The following EIF3M variants were observed in gnomAD, a reference collection of about 807,000 sequenced individuals.
The protein encoded by EIF3M is eukaryotic translation initiation factor 3 subunit M, also known as B5 receptor.
A neutral mutation model predicts 49.7 loss-of-function variants in EIF3M; 25 were observed. The observed-to-expected ratio is 0.50, with a 90% CI of 0.37 to 0.70. EIF3M has a LOEUF of 0.70. Ranked by LOEUF, EIF3M falls within the 30% of genes least tolerant of loss-of-function variation. EIF3M has a pLI of 0.00. For missense variants in EIF3M, 350 were observed against 440.0 expected, an observed-to-expected ratio of 0.80 and a Z score of 1.83; for synonymous variants, 156 against 149.8, an observed-to-expected ratio of 1.04 and a Z score of -0.30.
chr11:32,596,225 G>T (rs1399257276), intron 8 of EIF3M, among the ~76,000 whole-genome samples, 178 bp downstream of exon 8: 2 of 152,142 alleles, frequency 1.3e-5, no homozygotes, highest in Non-Finnish European at 1.5e-5. Context: ...TACTTAGAAT[G>T]AATTGAGAAT....
At chr11:32,601,998 G>C in intron 10 of EIF3M, 176 bp downstream of exon 10, 1 of 845,616 alleles carries the variant, frequency 1.2e-6, no homozygotes, top group Non-Finnish European at 1.8e-6. Context: ...TTTAATGAAA[G>C]AGTCCTATTT....
chr11:32,603,328 AGTTGGCAT>A lies in EIF3M; in HGVS notation c.*933_*940del, dbSNP rs200125428. ...CAGGAAGGGCAGTGAGATATTTGGAAGTTGGCATGTTTTCAAGACACTGTATTGGGTAA... is the reference window on the plus strand; with the variant it reads ...CAGGAAGGGCAGTGAGATATTTGGAAGTTTTCAAGACACTGTATTGGGTAA... On this transcript the variant is annotated 3_prime_UTR_variant, in exon 11 of 11. Transcript: ENST00000531120. 1,180 of 245,154 alleles carry A rather than the reference AGTTGGCAT, an allele frequency of 4.8e-3. 14 individuals are homozygous for A. Among genetic ancestry groups the A allele is most frequent in the African/African-American group, 0.025 (1,115 of 44,778 alleles). 15.2% of individuals were successfully genotyped at this position (245,154 alleles called of 1,614,324 possible). A position where few individuals can be genotyped will look rare whatever the true frequency, so the allele number is the denominator to read the frequency against.
chr11:32,595,012 A>T lies in EIF3M; in HGVS notation c.716A>T (p.Asp239Val), dbSNP rs756103511. The change falls in exon 7 of 11, where the codon GAT becomes GTT. Residue 239 changes from aspartate to valine, a missense_variant and splice_region_variant. Physicochemically the swap from Asp to Val is radical, Grantham distance 152. Coordinates refer to ENST00000531120, the MANE Select transcript of EIF3M (RefSeq NM_006360.6). Reference protein sequence around the residue: ...VKFLEGELIHDLLTIFVSAKL... With the variant: ...VKFLEGELIHVLLTIFVSAKL... ...TTTTTGGAAGGCGAGCTTATTCATG[A>T]TGTAAGTAGTTTATCCTTTAATGTG... is the stretch of plus-strand genomic sequence containing the variant. The T allele has an allele frequency of 6.2e-7, 1 of 1,612,114 alleles. No individual in the cohort carries two copies. The highest frequency in any genetic ancestry group is 8.5e-7 in the Non-Finnish European group (1 of 1,179,294).
chr11:32,600,094 A>G (rs1307024789), intron 8 of EIF3M, among the ~76,000 whole-genome samples: 1 of 151,914 alleles, frequency 6.6e-6, no homozygotes, highest in African/African-American at 2.4e-5. Flanking sequence ...TGGCCTATAA[A>G]TGTTAAATGA....
intron 1 of EIF3M, among the ~76,000 whole-genome samples, chr11:32,585,578 G>T (rs566859543): frequency 7.2e-5 from 11 of 152,248 alleles, no homozygotes; most frequent in African/African-American, 2.4e-4. Context: ...CAGCAAACGT[G>T]GTTCAATAGT....
chr11:32,596,926 G>A (rs752000348), intron 8 of EIF3M, among the ~76,000 whole-genome samples: 8 of 152,036 alleles, frequency 5.3e-5, no homozygotes, highest in African/African-American at 9.7e-5. Flanking sequence ...AAAAAAGAGA[G>A]AGAAAATGAC....
Position 32,605,042 on chromosome 11 carries a change from CAG to C in EIF3M, c.*2644_*2645del, listed in dbSNP as rs1855329760. Reference sequence around the variant, plus strand: ...TAATTTTTTGTATTTTTAGTAGAGACAGGGTTTCACTATGTTGTCCAGGCTGG... The same window carrying C: ...TAATTTTTTGTATTTTTAGTAGAGACGGTTTCACTATGTTGTCCAGGCTGG... On this transcript the variant is annotated 3_prime_UTR_variant, in exon 11 of 11. Transcript: ENST00000531120. 1 of 151,962 alleles carries C rather than the reference CAG, an allele frequency of 6.6e-6. No individual in the cohort carries two copies. Among genetic ancestry groups the C allele is most frequent in the African/African-American group, 2.4e-5 (1 of 41,344 alleles). 9.4% of individuals were successfully genotyped at this position (151,962 alleles called of 1,614,324 possible).
rs1424040647 is a variant in EIF3M at position 32,606,085 on chromosome 11, T to G, written c.*3686T>G. The stretch of plus-strand genomic sequence containing the variant: ...CCTCATTCCTGGATATAATCAAGAT[T>G]GCAGTAGGCTAACAATCTAATGCTG... On this transcript the variant is annotated 3_prime_UTR_variant, in exon 11 of 11. Transcript: ENST00000531120. The G allele has an allele frequency of 6.6e-6, 1 of 152,138 alleles. No homozygotes were observed. 9.4% of individuals were successfully genotyped at this position (152,138 alleles called of 1,614,324 possible).
intron 10 of EIF3M, 61 bp from the exon 11 acceptor site, chr11:32,602,218 A>G (rs767499449): frequency 1.3e-6 from 2 of 1,583,550 alleles, no homozygotes; most frequent in Non-Finnish European, 1.7e-6. Flanking sequence ...CTGTAGTATT[A>G]TAAAAGAATA....
In EIF3M at chr11:32,596,000, C is replaced by A; in HGVS notation, c.752C>A (p.Ser251Ter). The change falls in exon 8 of 11, where the codon TCA (serine) becomes TAA (stop). Residue 251 changes from serine (S) to a stop codon, truncating the protein, a stop_gained. Transcript: ENST00000531120. LOFTEE classifies it high-confidence loss of function. ...LTIFVSAKLA[S>*]YVKFYQNNKD... The stretch of plus-strand genomic sequence containing the variant: ...ATTTTTGTGAGTGCTAAATTGGCAT[C>A]ATATGTCAAGTTTTATCAGAATAAT... 6.4e-7 allele frequency: 1 copy of A among 1,565,876 alleles called. No individual in the cohort carries two copies. The highest frequency in any genetic ancestry group is 8.6e-7 in the Non-Finnish European group (1 of 1,165,132).
At chr11:32,585,147 G>A (rs1854975733) in intron 1 of EIF3M, among the ~76,000 whole-genome samples, 1 of 152,124 alleles carries the variant, frequency 6.6e-6, no homozygotes, top group South Asian at 2.1e-4. Flanking sequence ...AGCAAAGTAA[G>A]AAGGGAAAAT....
chr11:32,600,950 T>C (rs1855253069), intron 9 of EIF3M, 118 bp downstream of exon 9: 1 of 1,336,486 alleles, frequency 7.5e-7, no homozygotes, highest in South Asian at 1.6e-5. Flanking sequence ...TTATAGCAGA[T>C]GTGTATTTAG....
At position 32,602,966 on chromosome 11, in the gene EIF3M, T is replaced by C; in HGVS notation, c.*567T>C. On this transcript the variant is annotated 3_prime_UTR_variant, in exon 11 of 11. Transcript: ENST00000531120. ...TCACCAGAAGTATTTTTAGTCGTCT[T>C]GATTGCCTGCAAATGGCTTTGTAGT... is the stretch of plus-strand genomic sequence containing the variant. The C allele has an allele frequency of 6.2e-7, 1 of 1,613,600 alleles. No individual in the cohort carries two copies. Among genetic ancestry groups the C allele is most frequent in the Middle Eastern group, 1.7e-4 (1 of 6,058 alleles).
Position 32,606,194 on chromosome 11 carries a change from T to C in EIF3M, c.*3795T>C, listed in dbSNP as rs1321142742. On this transcript the variant is annotated 3_prime_UTR_variant, in exon 11 of 11. Coordinates refer to ENST00000531120, the MANE Select transcript of EIF3M (RefSeq NM_006360.6). Reference sequence around the variant, plus strand: ...GTGGATTGGTACTTAATACCTTCCCTGAATTTAACAGAATTGATGTGGACT... The same window carrying C: ...GTGGATTGGTACTTAATACCTTCCCCGAATTTAACAGAATTGATGTGGACT... 1 of 152,230 alleles carries C rather than the reference T, an allele frequency of 6.6e-6. No individual in the cohort carries two copies. Among genetic ancestry groups the C allele is most frequent in the Non-Finnish European group, 1.5e-5 (1 of 68,034 alleles). The allele number at this position is 152,230 out of a possible 1,614,324, so 9.4% of individuals were successfully genotyped here.
At chr11:32,599,633 G>GA (rs1262207683) in intron 8 of EIF3M, among the ~76,000 whole-genome samples, 1 of 151,908 alleles carries the variant, frequency 6.6e-6, no homozygotes, top group Non-Finnish European at 1.5e-5. Context: ...CAGAGAAAAG[G>GA]AACATGTAAA....
In EIF3M at chr11:32,603,072, A is replaced by G. The variant is rs1372587428; in HGVS notation, c.*673A>G. ...TCGAAATTATTATACAAAAGATTTT[A>G]AAGAGTCTGTAAAGCCTCTGCAGTT... is the stretch of plus-strand genomic sequence containing the variant. On this transcript the variant is annotated 3_prime_UTR_variant, in exon 11 of 11. Coordinates refer to ENST00000531120, the MANE Select transcript of EIF3M (RefSeq NM_006360.6). The G allele has an allele frequency of 6.2e-6, 9 of 1,443,956 alleles. No homozygotes were observed. The highest frequency in any genetic ancestry group is 2.1e-5 in the Admixed American group (1 of 47,424). The allele number at this position is 1,443,956 out of a possible 1,614,324, so 89.4% of individuals were successfully genotyped here.
chr11:32,599,995 A>G (rs1855236658), intron 8 of EIF3M, among the ~76,000 whole-genome samples: 2 of 151,922 alleles, frequency 1.3e-5, no homozygotes, highest in South Asian at 4.1e-4. Context: ...CAAAATTTGA[A>G]TTATTTGTGC....
chr11:32,589,557 G>C lies in EIF3M; in HGVS notation c.449G>C (p.Trp150Ser), dbSNP rs773397494. The C allele has an allele frequency of 6.2e-7, 1 of 1,614,058 alleles. No homozygotes were observed. The highest frequency in any genetic ancestry group is 1.7e-5 in the Admixed American group (1 of 60,024). ...GTCAATCTCTTGTAGGTTAGAAAAT[G>C]GATTTCTGACTGGAATCTCACCACT... Reference protein sequence around the residue: ...IPTELDQVRKWISDWNLTTEK... With the variant: ...IPTELDQVRKSISDWNLTTEK... The change falls in exon 5 of 11, where the codon TGG becomes TCG. Residue 150 changes from tryptophan (W) to serine (S), a missense_variant. Trp to Ser is a radical substitution (Grantham distance 177). Coordinates refer to ENST00000531120, the MANE Select transcript of EIF3M (RefSeq NM_006360.6).
chr11:32,589,904 T>C (rs777198235), intron 5 of EIF3M, among the ~76,000 whole-genome samples: 30 of 152,250 alleles, frequency 2.0e-4, no homozygotes, highest in Non-Finnish European at 3.7e-4. Context: ...CAACATGGGC[T>C]TCAACCTACT....
Sources: gnomAD v4.1 joint callset for allele counts (sites outside exome capture counted in the v4.1 genomes callset) on GRCh38, gnomAD v4.1.1 for gene constraint, MANE v1.5 for transcripts, NCBI Gene and HGNC (gene_info 2026-07-23, HGNC 2026-07-21) for gene names.